SPARCL1: variants seen among roughly 807,000 people sequenced by gnomAD.
The protein encoded by SPARCL1 is SPARC like 1, also known as SPARC-like protein 1.
In SPARCL1, 52 loss-of-function variants were observed where a neutral mutation model predicts 67.1. The observed-to-expected ratio is 0.78, with a 90% CI of 0.62 to 0.98. SPARCL1 has a LOEUF of 0.98. Ranked by LOEUF, SPARCL1 falls within the 50% of genes least tolerant of loss-of-function variation. The pLI is 0.00. For synonymous variants in SPARCL1, 226 were observed against 267.8 expected, an observed-to-expected ratio of 0.84 and a Z score of 1.52; for missense variants, 717 against 782.4, an observed-to-expected ratio of 0.92 and a Z score of 1.00.
At chr4:87,516,096 T>C (rs777004299) in intron 1 of SPARCL1, among the ~76,000 whole-genome samples, 12 of 152,304 alleles carry the variant, frequency 7.9e-5, no homozygotes, top group Middle Eastern at 3.4e-3. Flanking sequence ...GGAAAACTCA[T>C]TTTGGGAGCC....
chr4:87,491,292 G>T (rs1409926234), intron 5 of SPARCL1, among the ~76,000 whole-genome samples: 1 of 152,130 alleles, frequency 6.6e-6, no homozygotes, highest in Non-Finnish European at 1.5e-5. Flanking sequence ...TCAAGTATGG[G>T]ATATAAATTC....
intron 1 of SPARCL1, among the ~76,000 whole-genome samples, chr4:87,502,396 T>G (rs1423141797): frequency 1.3e-5 from 2 of 152,214 alleles, no homozygotes; most frequent in Non-Finnish European, 2.9e-5. Context: ...TTTACGTCCT[T>G]TAACAAATAG....
At chr4:87,482,129 A>G (rs1372192373) in intron 8 of SPARCL1, among the ~76,000 whole-genome samples, 1 of 152,212 alleles carries the variant, frequency 6.6e-6, no homozygotes, top group Non-Finnish European at 1.5e-5. Flanking sequence ...GACTGACTAG[A>G]TCAATGCTAA....
chr4:87,493,151 G>A (rs1472766079), intron 4 of SPARCL1, among the ~76,000 whole-genome samples: 1 of 152,132 alleles, frequency 6.6e-6, no homozygotes, highest in African/African-American at 2.4e-5. Flanking sequence ...AATTGACCTG[G>A]CTCACTCAAG....
rs530630748 is a variant in SPARCL1, at chr4:87,488,133, C to T, written c.1531+2140G>A. ...ACTCATTCTCCATCCACTTTTGTTCCCTTGCTGGCAAGGAGTTGTGATCCT... is the reference window on the plus strand; with the variant it reads ...ACTCATTCTCCATCCACTTTTGTTCTCTTGCTGGCAAGGAGTTGTGATCCT... On this transcript the variant is annotated intron_variant, in intron 7 of 10. Coordinates refer to ENST00000282470, the MANE Select transcript of SPARCL1 (RefSeq NM_004684.6). Among the ~76,000 whole-genome samples the T allele has an allele frequency of 7.2e-5, 11 of 152,240 alleles. No homozygotes were observed. The East Asian group carries it at 1.9e-3, about 27-fold the overall frequency.
In SPARCL1 at chr4:87,490,337, T is replaced by A; in HGVS notation, c.1467A>T (p.Lys489Asn). The change falls in exon 7 of 11, where the codon AAA becomes AAT. Residue 489 changes from lysine to asparagine, a missense_variant. By Grantham distance (94) the Lys-to-Asn change is moderately conservative. Transcript: ENST00000282470. Reference protein sequence around the residue: ...YASSCHLFATKCRLEGTKKGH... With the variant: ...YASSCHLFATNCRLEGTKKGH... ...CCTTTTTGGTCCCCTCCAGTCTGCA[T>A]TTAGTAGCGAATAGATGACAGGAAC... The A allele has an allele frequency of 6.2e-7, 1 of 1,613,562 alleles. No homozygotes were observed. Among genetic ancestry groups the A allele is most frequent in the Non-Finnish European group, 8.5e-7 (1 of 1,179,736 alleles).
chr4:87,515,775 T>A (rs1010890897), intron 1 of SPARCL1, among the ~76,000 whole-genome samples: 1 of 152,204 alleles, frequency 6.6e-6, no homozygotes, highest in Admixed American at 6.5e-5. Flanking sequence ...AGAGGAATCA[T>A]TTGTCATGGC....
In SPARCL1 at chr4:87,506,764, A is replaced by C. The variant is rs376756152; in HGVS notation, c.-11-7179T>G. Among the ~76,000 whole-genome samples the C allele has an allele frequency of 1.4e-3, 147 of 106,870 alleles. 1 individual carries two copies. The highest frequency in any genetic ancestry group is 5.6e-3 in the African/African-American group (143 of 25,728). 70.1% of individuals were successfully genotyped at this position (106,870 alleles called of 152,430 possible). On this transcript the variant is annotated intron_variant, in intron 1 of 10. Coordinates refer to ENST00000282470, the MANE Select transcript of SPARCL1 (RefSeq NM_004684.6). The stretch of plus-strand genomic sequence containing the variant: ...AATGTAAACTAAGTCCTCATTATCT[A>C]TATCTCTATCTATCTATCATCTATC...
intron 1 of SPARCL1, among the ~76,000 whole-genome samples, chr4:87,518,113 G>A (rs926233226): frequency 6.6e-6 from 1 of 152,240 alleles, no homozygotes; most frequent in Non-Finnish European, 1.5e-5. Context: ...AGAAGCAGAT[G>A]TAATAAACCC....
In SPARCL1 at chr4:87,503,460, T is replaced by G. The variant is rs61697802; in HGVS notation, c.-11-3875A>C. Reference sequence around the variant, plus strand: ...TTTTATCTCAGTCACTGTGAGTCTATATTATTACTATTCTTTTCCTATCAT... The same window carrying G: ...TTTTATCTCAGTCACTGTGAGTCTAGATTATTACTATTCTTTTCCTATCAT... On this transcript the variant is annotated intron_variant, in intron 1 of 10. Coordinates refer to ENST00000282470, the MANE Select transcript of SPARCL1 (RefSeq NM_004684.6). Among the ~76,000 whole-genome samples the G allele has an allele frequency of 5.8e-3, 885 of 152,298 alleles. 16 individuals carry two copies. Among genetic ancestry groups the G allele is most frequent in the African/African-American group, 0.02 (831 of 41,578 alleles).
At chr4:87,519,538 T>C (rs1041680409) in intron 1 of SPARCL1, among the ~76,000 whole-genome samples, 3 of 152,204 alleles carry the variant, frequency 2.0e-5, no homozygotes, top group African/African-American at 7.2e-5. Flanking sequence ...GTCCTAAGTT[T>C]TGAAAAAGAT....
chr4:87,498,052 C>T (rs139060263), intron 2 of SPARCL1, among the ~76,000 whole-genome samples: 290 of 152,300 alleles, frequency 1.9e-3, no homozygotes, highest in African/African-American at 6.8e-3. Flanking sequence ...AGCCACTGTG[C>T]GTGGCCCAAA....
Position 87,490,621 on chromosome 4 carries a change from A to T in SPARCL1, c.1410+139T>A. On this transcript the variant is annotated intron_variant, in intron 6 of 10. Transcript: ENST00000282470. Reference sequence around the variant, plus strand: ...ATAAGCTCAGTAGAATGAAAACTGCAGATGTTCCAAATATCCCAAATAACC... The same window carrying T: ...ATAAGCTCAGTAGAATGAAAACTGCTGATGTTCCAAATATCCCAAATAACC... 4 of 760,278 alleles carry T rather than the reference A, an allele frequency of 5.3e-6. No individual in the cohort carries two copies. The South Asian group carries it at 5.8e-5, about 11-fold the overall frequency. 47.1% of individuals were successfully genotyped at this position (760,278 alleles called of 1,614,324 possible).
intron 7 of SPARCL1, among the ~76,000 whole-genome samples, chr4:87,485,412 A>C (rs1578096703): frequency 6.6e-6 from 1 of 152,242 alleles, no homozygotes; most frequent in Middle Eastern, 3.4e-3. Context: ...CCCAGGGATG[A>C]AGGTGACTTG....
At chr4:87,475,722 T>C (rs1276686562) in intron 10 of SPARCL1, among the ~76,000 whole-genome samples, 1 of 152,104 alleles carries the variant, frequency 6.6e-6, no homozygotes, top group Non-Finnish European at 1.5e-5. Context: ...ATGGCTGTAA[T>C]TAAAAAGTCT....
intron 1 of SPARCL1, among the ~76,000 whole-genome samples, chr4:87,507,100 A>T (rs994001363): frequency 3.3e-5 from 5 of 152,210 alleles, no homozygotes; most frequent in East Asian, 1.9e-4. Flanking sequence ...TGGAACATTA[A>T]AGTCCATTCT....
chr4:87,496,034 G>A (rs760894043), intron 2 of SPARCL1, among the ~76,000 whole-genome samples: 8 of 151,674 alleles, frequency 5.3e-5, no homozygotes, highest in Non-Finnish European at 1.0e-4. Context: ...TAGAGGGATG[G>A]TCCTATTTCT....
At chr4:87,488,170 G>C (rs1373485116) in intron 7 of SPARCL1, among the ~76,000 whole-genome samples, 1 of 152,210 alleles carries the variant, frequency 6.6e-6, no homozygotes, top group East Asian at 1.9e-4. Context: ...TGGAGGAGAA[G>C]AGGCATTCCC....
intron 1 of SPARCL1, among the ~76,000 whole-genome samples, chr4:87,517,955 C>G (rs1725652872): frequency 6.6e-6 from 1 of 152,172 alleles, no homozygotes; most frequent in Non-Finnish European, 1.5e-5. Context: ...CTAATGCAAG[C>G]ATTCAGTCCC....
Sources: allele counts gnomAD v4.1 joint callset (sites outside exome capture counted in the v4.1 genomes callset), GRCh38; gene constraint gnomAD v4.1.1; transcripts MANE v1.5; gene names NCBI Gene and HGNC (gene_info 2026-07-23, HGNC 2026-07-21).